The following MAP3K15 variants were observed in gnomAD, a reference collection of about 807,000 sequenced individuals.
MAP3K15 encodes mitogen-activated protein kinase kinase kinase 15.
MAP3K15 carries 124 observed loss-of-function variants against 99.5 expected under a neutral mutation model. That is an observed-to-expected ratio of 1.25 (90% CI 1.08 to 1.45). The LOEUF (loss-of-function observed/expected upper bound fraction) is 1.45. Among genes scored for constraint, MAP3K15 ranks in the 40% most tolerant of loss-of-function variants. The pLI is 0.00. For synonymous variants in MAP3K15, 494 were observed against 439.6 expected (o/e 1.12, Z -1.55); for missense variants, 1,242 against 1,079.7 (o/e 1.15, Z -2.11).
intron 6 of MAP3K15, among the ~76,000 whole-genome samples, chrX:19,446,154 G>A (rs1427760633): frequency 2.7e-5 from 3 of 111,206 alleles, no homozygotes; most frequent in African/African-American, 6.5e-5. Flanking sequence ...GAAAAACTCC[G>A]TTATTATAAC....
At chrX:19,486,530 T>A in intron 2 of MAP3K15, 25 bp from the exon 3 acceptor site, 1 of 821,631 alleles carries the variant, frequency 1.2e-6, no homozygotes, top group East Asian at 3.9e-5. Flanking sequence ...AAAAGATGAA[T>A]ATAGCTTTTT....
chrX:19,373,291 A>C, intron 21 of MAP3K15: 1 of 301,278 alleles, frequency 3.3e-6, no homozygotes, highest in Non-Finnish European at 5.5e-6. Context: ...GGGAGAGAGA[A>C]GGGAAGAGGA....
chrX:19,384,749 GAAAAAA>G (rs34619145), intron 18 of MAP3K15, among the ~76,000 whole-genome samples: 6 of 22,556 alleles, frequency 2.7e-4, no homozygotes, highest in African/African-American at 1.1e-3. Context: ...TGTCTCAGGG[GAAAAAA>G]AAAAAAAAAA....
Position 19,398,219 on chromosome X carries a change from G to A in MAP3K15, c.2066+7C>T, listed in dbSNP as rs759917548. 5.0e-6 allele frequency: 6 copies of A among 1,211,301 alleles called. No individual in the cohort carries two copies. Among genetic ancestry groups the A allele is most frequent in the Non-Finnish European group, 6.7e-6 (6 of 895,288 alleles). On this transcript the variant is annotated splice_region_variant and intron_variant, in intron 15 of 28. Coordinates refer to ENST00000338883, the MANE Select transcript of MAP3K15 (RefSeq NM_001001671.4). The stretch of plus-strand genomic sequence containing the variant: ...ACCCGAAATGCGGAAGGCCCGCCTG[G>A]ACTTGCCTGCTATCTCTCTCCGGGA...
chrX:19,367,411 A>G (rs762348290), intron 25 of MAP3K15, among the ~76,000 whole-genome samples: 64 of 109,986 alleles, frequency 5.8e-4, no homozygotes, highest in African/African-American at 2.1e-3. Context: ...TGTACAATAA[A>G]CCCCCATGAC....
chrX:19,487,934 G>A (rs1364707796), intron 2 of MAP3K15, among the ~76,000 whole-genome samples: 2 of 110,504 alleles, frequency 1.8e-5, no homozygotes, highest in Non-Finnish European at 3.8e-5. Flanking sequence ...CATTTGGGAG[G>A]TTAAAAAAAT....
intron 19 of MAP3K15, among the ~76,000 whole-genome samples, chrX:19,377,419 C>G (rs1034688855): frequency 9.0e-6 from 1 of 111,323 alleles, no homozygotes; most frequent in Non-Finnish European, 1.9e-5. Flanking sequence ...TGGCCCATGC[C>G]TACAATCCCA....
intron 21 of MAP3K15, 76 bp downstream of exon 21, chrX:19,373,460 C>T: frequency 8.9e-7 from 1 of 1,117,711 alleles, no homozygotes; most frequent in Non-Finnish European, 1.2e-6. Flanking sequence ...CTGGTTGGGA[C>T]CAGGGAGGTG....
chrX:19,365,265 C>A (rs1249707561), intron 25 of MAP3K15, among the ~76,000 whole-genome samples: 1 of 111,104 alleles, frequency 9.0e-6, no homozygotes, highest in African/African-American at 3.3e-5. Flanking sequence ...TTCATAAGAC[C>A]CCCGATTCCA....
chrX:19,429,808 GA>G (rs1353318917), intron 7 of MAP3K15, among the ~76,000 whole-genome samples: 19 of 96,289 alleles, frequency 2.0e-4, no homozygotes, highest in African/African-American at 8.0e-4. Context: ...GAGAGAGAGA[GA>G]GAGAGAGAGA....
intron 25 of MAP3K15, among the ~76,000 whole-genome samples, chrX:19,368,663 C>T (rs2063352343): frequency 9.0e-6 from 1 of 111,407 alleles, no homozygotes; most frequent in African/African-American, 3.3e-5. Flanking sequence ...TGCTAACCAA[C>T]CCCCAAACCC....
chrX:19,440,015 G>A (rs185644452), intron 6 of MAP3K15, among the ~76,000 whole-genome samples: 358 of 111,374 alleles, frequency 3.2e-3, no homozygotes, highest in African/African-American at 0.011. Context: ...GATGGAAGAA[G>A]CCAGCGCAGT....
intron 3 of MAP3K15, among the ~76,000 whole-genome samples, chrX:19,470,351 T>C (rs778503318): frequency 9.1e-6 from 1 of 109,644 alleles, no homozygotes; most frequent in South Asian, 4.0e-4. Context: ...AAATGAACAA[T>C]GAGAACACAT....
chrX:19,439,225 A>G (rs2147325147), intron 6 of MAP3K15, among the ~76,000 whole-genome samples: 1 of 111,114 alleles, frequency 9.0e-6, no homozygotes, highest in African/African-American at 3.3e-5. Flanking sequence ...CATGAATAAA[A>G]CCTGCCTGAG....
rs1812993336 is a variant in MAP3K15, at chrX:19,514,997, G to C, written c.265C>G (p.Arg89Gly). 1.8e-6 allele frequency: 2 copies of C among 1,114,863 alleles called. No homozygotes were observed. The highest frequency in any genetic ancestry group is 1.9e-5 in the African/African-American group (1 of 52,480). The allele number at this position is 1,114,863 out of a possible 1,213,427, so 91.9% of individuals were successfully genotyped here. Reference protein sequence around the residue: ...PEAGARQCLLRACEAEGAHLT... With the variant: ...PEAGARQCLLGACEAEGAHLT... ...TGAGCGCCCTCGGCCTCGCAGGCCC[G>C]CAGCAGGCACTGCCGCGCCCCAGCC... is the stretch of plus-strand genomic sequence containing the variant. Residue 89 changes from arginine (R) to glycine (G), a missense_variant, in exon 1 of 29, where the codon CGG (arginine) becomes GGG (glycine). By Grantham distance (125) the Arg-to-Gly change is moderately radical. Coordinates refer to ENST00000338883, the MANE Select transcript of MAP3K15 (RefSeq NM_001001671.4).
At chrX:19,497,556 CT>C (rs1386463095) in intron 1 of MAP3K15, 1 of 111,958 alleles carries the variant, frequency 8.9e-6, no homozygotes, top group Admixed American at 9.5e-5. Flanking sequence ...TCAAAATGGT[CT>C]TTGCTTCCAG....
chrX:19,511,796 GACCCAGCAATCCCAT>G (rs1405166029), intron 1 of MAP3K15, among the ~76,000 whole-genome samples: 1 of 111,829 alleles, frequency 8.9e-6, no homozygotes, highest in East Asian at 2.8e-4. Context: ...AATACCATTT[GACCCAGCAATCCCAT>G]TGCTGGGTAT....
Position 19,398,343 on chromosome X carries a change from T to C in MAP3K15, c.1949A>G (p.Asp650Gly). 1 of 1,211,103 alleles carries C rather than the reference T, an allele frequency of 8.3e-7. No homozygotes were observed. The highest frequency in any genetic ancestry group is 1.8e-5 in the South Asian group (1 of 56,930). ...CAAGACAACTCTCTCACCATTTGCA[T>C]CATGGTCATACTCATACTGAAGAAG... is the stretch of plus-strand genomic sequence containing the variant. ...GDTLEYEYDH[D>G]ANGERVVLGK... The change falls in exon 15 of 29, where the codon GAT (aspartate) becomes GGT (glycine). Residue 650 changes from aspartate to glycine, a missense_variant. By Grantham distance (94) the Asp-to-Gly change is moderately conservative. Transcript: ENST00000338883.
chrX:19,494,198 T>C (rs1447736130), intron 1 of MAP3K15, among the ~76,000 whole-genome samples: 1 of 111,296 alleles, frequency 9.0e-6, no homozygotes, highest in African/African-American at 3.3e-5. Flanking sequence ...TGGTGGCGTG[T>C]GCCTGAAGTC....
Sources: gnomAD v4.1 joint callset for allele counts (sites outside exome capture counted in the v4.1 genomes callset) on GRCh38, gnomAD v4.1.1 for gene constraint, MANE v1.5 for transcripts, NCBI Gene and HGNC (gene_info 2026-07-23, HGNC 2026-07-21) for gene names.